Variants in WWOX observed in about 807,000 individuals in gnomAD.
WWOX encodes WW domain-containing oxidoreductase.
WWOX carries 69 observed loss-of-function variants against 46.2 expected under a neutral mutation model. The ratio of observed to expected loss-of-function variants is 1.49; its 90% CI spans 1.23 to 1.82. WWOX has a LOEUF of 1.82. Among genes scored for constraint, WWOX ranks in the 40% most tolerant of loss-of-function variants. WWOX has a pLI of 0.00. For missense variants in WWOX, 919 were observed against 542.6 expected (o/e 1.69, Z -6.89); for synonymous variants, 359 against 202.6 (o/e 1.77, Z -6.56).
At chr16:78,683,178 C>T (rs2047770369) in intron 8 of WWOX, among the ~76,000 whole-genome samples, 2 of 151,968 alleles carry the variant, frequency 1.3e-5, no homozygotes, top group South Asian at 4.2e-4. Context: ...GTTACTTGGT[C>T]TTTAAAATTT....
At chr16:78,896,873 C>T (rs572619985) in intron 8 of WWOX, 36 of 152,002 alleles carry the variant, frequency 2.4e-4, no homozygotes, top group African/African-American at 8.4e-4. Context: ...ATACAGTTCT[C>T]TGGATTTTGA....
intron 8 of WWOX, among the ~76,000 whole-genome samples, chr16:79,196,863 C>T (rs902546439): frequency 3.9e-5 from 6 of 152,150 alleles, no homozygotes; most frequent in Non-Finnish European, 8.8e-5. Flanking sequence ...TAAGGTCTGG[C>T]AGATCTGGAT....
intron 1 of WWOX, among the ~76,000 whole-genome samples, chr16:78,105,451 T>C (rs2032079752): frequency 7.8e-6 from 1 of 127,620 alleles, no homozygotes; most frequent in Non-Finnish European, 1.8e-5. Context: ...AGAGTGAGAC[T>C]CTGTCTCAAA....
intron 8 of WWOX, among the ~76,000 whole-genome samples, chr16:78,662,763 G>A (rs2047247210): frequency 6.6e-6 from 1 of 152,216 alleles, no homozygotes; most frequent in South Asian, 2.1e-4. Flanking sequence ...CTTCCAAGCT[G>A]CACAGTTGTT....
chr16:78,823,000 G>C (rs960098686), intron 8 of WWOX, among the ~76,000 whole-genome samples: 3 of 152,108 alleles, frequency 2.0e-5, no homozygotes, highest in Admixed American at 2.0e-4. Context: ...GAATAAATCT[G>C]TTAAAGAAAT....
At chr16:78,204,812 CTG>C (rs1476673034) in intron 5 of WWOX, among the ~76,000 whole-genome samples, 1 of 152,148 alleles carries the variant, frequency 6.6e-6, no homozygotes, top group Non-Finnish European at 1.5e-5. Flanking sequence ...CATAGCAAGT[CTG>C]TGATGGAAGC....
intron 5 of WWOX, among the ~76,000 whole-genome samples, chr16:78,202,726 C>G (rs1299775257): frequency 1.3e-5 from 2 of 151,914 alleles, no homozygotes; most frequent in African/African-American, 4.8e-5. Flanking sequence ...TCCCAGTTCT[C>G]TGTCTCTGTA....
At chr16:78,422,708 TATAC>T (rs1385369635) in intron 6 of WWOX, among the ~76,000 whole-genome samples, 2 of 97,534 alleles carry the variant, frequency 2.1e-5, no homozygotes, top group Non-Finnish European at 4.4e-5. Flanking sequence ...CACATATATA[TATAC>T]ACACACACAT....
chr16:78,639,492 A>C (rs1371797750), intron 8 of WWOX, among the ~76,000 whole-genome samples: 1 of 152,040 alleles, frequency 6.6e-6, no homozygotes, highest in Admixed American at 6.5e-5. Context: ...ATAAACCCGG[A>C]GTTGCCTCTG....
At chr16:79,151,403 G>A (rs1432486989) in intron 8 of WWOX, among the ~76,000 whole-genome samples, 1 of 152,192 alleles carries the variant, frequency 6.6e-6, no homozygotes, top group African/African-American at 2.4e-5. Context: ...TGAAGAGTAT[G>A]TGCGCCTTCT....
intron 8 of WWOX, among the ~76,000 whole-genome samples, chr16:78,578,795 C>A (rs1056813746): frequency 6.6e-6 from 1 of 152,156 alleles, no homozygotes; most frequent in Non-Finnish European, 1.5e-5. Flanking sequence ...GTTTCCTGCG[C>A]GGCTTCCAGA....
chr16:79,057,445 A>G lies in WWOX; in HGVS notation c.1057-154163A>G, dbSNP rs549854545. On this transcript the variant is annotated intron_variant, in intron 8 of 8. Transcript: ENST00000566780. ...GCATTAGTTTCTTGTGATAGGTTCA[A>G]TTCTCAGGCTCCTTCTCATTAGAGT... Among the ~76,000 whole-genome samples the G allele has an allele frequency of 6.6e-5, 10 of 152,308 alleles. No homozygotes were observed. In the South Asian group the frequency reaches 1.7e-3, roughly 25 times the overall value.
intron 1 of WWOX, among the ~76,000 whole-genome samples, chr16:78,101,038 G>T (rs918650216): frequency 1.3e-5 from 2 of 150,948 alleles, no homozygotes; most frequent in African/African-American, 4.9e-5. Context: ...CCCACTTCCA[G>T]AGGGTTTTTC....
intron 8 of WWOX, among the ~76,000 whole-genome samples, chr16:78,568,948 C>T (rs554829922): frequency 6.6e-6 from 1 of 152,218 alleles, no homozygotes; most frequent in Non-Finnish European, 1.5e-5. Context: ...TTGTCCACTT[C>T]TACCTTAGCT....
At position 78,341,809 on chromosome 16, in the gene WWOX, C is replaced by T. The variant is rs556141019; in HGVS notation, c.517-45051C>T. Among the ~76,000 whole-genome samples the T allele has an allele frequency of 3.3e-5, 4 of 120,754 alleles. 1 individual carries two copies. Among genetic ancestry groups the T allele is most frequent in the South Asian group, 2.5e-4 (1 of 4,012 alleles). 79.2% of individuals were successfully genotyped at this position (120,754 alleles called of 152,430 possible). A position where few individuals can be genotyped will look rare whatever the true frequency, so the allele number is the denominator to read the frequency against. ...CTATTGGGTTTTGCCTCTCCACAAT[C>T]TAGAGGAATATTTATGGAAGGTTAA... On this transcript the variant is annotated intron_variant, in intron 5 of 8. Coordinates refer to ENST00000566780, the MANE Select transcript of WWOX (RefSeq NM_016373.4).
intron 8 of WWOX, among the ~76,000 whole-genome samples, chr16:78,443,074 T>TGCAGTGAGCCAAGATC (rs2083480922): frequency 7.0e-6 from 1 of 142,796 alleles, no homozygotes; most frequent in Non-Finnish European, 1.5e-5. Flanking sequence ...AGGTGGAGGT[T>TGCAGTGAGCCAAGATC]GCAGTGAGCC....
intron 5 of WWOX, among the ~76,000 whole-genome samples, chr16:78,203,250 C>T (rs1472350364): frequency 6.6e-6 from 1 of 152,224 alleles, no homozygotes; most frequent in East Asian, 1.9e-4. Flanking sequence ...CCCACCTTTG[C>T]CTGCCCATCC....
At chr16:78,243,029 G>C (rs935827775) in intron 5 of WWOX, among the ~76,000 whole-genome samples, 3 of 151,536 alleles carry the variant, frequency 2.0e-5, no homozygotes, top group African/African-American at 2.4e-5. Flanking sequence ...AACAAAAAAA[G>C]AGACATGTGA....
At chr16:78,391,066 G>A (rs1045496212) in intron 6 of WWOX, among the ~76,000 whole-genome samples, 2 of 152,166 alleles carry the variant, frequency 1.3e-5, no homozygotes, top group Non-Finnish European at 2.9e-5. Flanking sequence ...GGTAGAAACA[G>A]ATTCTTAGTA....
Sources: gnomAD v4.1 joint callset for allele counts (sites outside exome capture counted in the v4.1 genomes callset) on GRCh38, gnomAD v4.1.1 for gene constraint, MANE v1.5 for transcripts, NCBI Gene and HGNC (gene_info 2026-07-23, HGNC 2026-07-21) for gene names.